Variants in CALN1 observed in about 807,000 individuals in gnomAD.
CALN1 encodes the protein calcium-binding protein 8.
CALN1 carries 17 observed loss-of-function variants against 30.6 expected under a neutral mutation model. That is an observed-to-expected ratio of 0.56 (90% CI 0.38 to 0.83). The LOEUF (loss-of-function observed/expected upper bound fraction) is 0.83, where lower values mean the gene tolerates loss of function less well. Among genes scored for constraint, CALN1 ranks in the 40% least tolerant of loss-of-function variants. CALN1 has a pLI of 0.00. For missense variants in CALN1, 291 were observed against 354.9 expected (o/e 0.82, Z 1.45); for synonymous variants, 156 against 131.4 (o/e 1.19, Z -1.28).
chr7:72,468,484 T>C, the CALN1 span, among the ~76,000 whole-genome samples: 4 of 152,156 alleles, frequency 2.6e-5, no homozygotes, highest in South Asian at 2.1e-4. Context: ...CGGTTAATTT[T>C]TGTATTTTGT....
intron 3 of CALN1, among the ~76,000 whole-genome samples, chr7:72,124,207 A>G (rs2129542409): frequency 6.6e-6 from 1 of 152,294 alleles, no homozygotes; most frequent in East Asian, 1.9e-4. Flanking sequence ...CTGAAGGTAA[A>G]TAGTGTGGTA....
chr7:71,895,475 TCGA>T (rs1271424005), intron 5 of CALN1, among the ~76,000 whole-genome samples: 4 of 152,226 alleles, frequency 2.6e-5, no homozygotes, highest in Non-Finnish European at 5.9e-5. Context: ...TCTCATTCAT[TCGA>T]CAAGAGTGAC....
At chr7:72,097,565 T>C (rs1225416188) in intron 4 of CALN1, among the ~76,000 whole-genome samples, 1 of 150,830 alleles carries the variant, frequency 6.6e-6, no homozygotes, top group Non-Finnish European at 1.5e-5. Context: ...CCCAGCACTT[T>C]GGGAAGCGGA....
intron 5 of CALN1, among the ~76,000 whole-genome samples, chr7:71,907,943 T>C (rs540118266): frequency 6.6e-6 from 1 of 152,384 alleles, no homozygotes; most frequent in African/African-American, 2.4e-5. Flanking sequence ...TGTATGCATA[T>C]GCGTGTGTGC....
intron 1 of CALN1, among the ~76,000 whole-genome samples, chr7:72,427,347 T>C (rs1239517735): frequency 6.6e-6 from 1 of 152,092 alleles, no homozygotes; most frequent in African/African-American, 2.4e-5. Flanking sequence ...ATTTCCCCAA[T>C]TGTTTCATCA....
At chr7:72,419,006 A>G (rs1585708562) in intron 1 of CALN1, among the ~76,000 whole-genome samples, 1 of 151,936 alleles carries the variant, frequency 6.6e-6, no homozygotes, top group South Asian at 2.1e-4. Flanking sequence ...ACAAAGCAAG[A>G]CTCCAAGTAA....
chr7:72,396,649 G>A (rs1415273955), intron 2 of CALN1, among the ~76,000 whole-genome samples: 3 of 152,166 alleles, frequency 2.0e-5, no homozygotes, highest in Non-Finnish European at 4.4e-5. Flanking sequence ...GAGGGGCAAA[G>A]ACAGAGCTGA....
chr7:71,882,024 T>C (rs887872341), intron 5 of CALN1, among the ~76,000 whole-genome samples: 9 of 152,174 alleles, frequency 5.9e-5, no homozygotes, highest in South Asian at 4.1e-4. Context: ...AGTGAGCTGA[T>C]TGTGCTACTG....
intron 3 of CALN1, among the ~76,000 whole-genome samples, chr7:72,179,287 G>C (rs1325148316): frequency 6.6e-6 from 1 of 152,184 alleles, no homozygotes; most frequent in Admixed American, 6.5e-5. Context: ...TTTGCATGAG[G>C]ACTAATATGC....
At chr7:72,331,695 T>A (rs993083769) in intron 2 of CALN1, among the ~76,000 whole-genome samples, 4 of 152,224 alleles carry the variant, frequency 2.6e-5, no homozygotes, top group African/African-American at 7.2e-5. Context: ...CTTGTTTTTT[T>A]TCCAAGTTTT....
Position 71,947,982 on chromosome 7 carries a change from C to T in CALN1, c.501+75675G>A, listed in dbSNP as rs10278631. On this transcript the variant is annotated intron_variant, in intron 5 of 6. Transcript: ENST00000395275. ...TGGACATGCTTTTTTCTTCTCTTTT[C>T]CAGGGAGGCAGGTATGTAGGAAGAT... Among the ~76,000 whole-genome samples the T allele has an allele frequency of 5.0e-3, 749 of 150,066 alleles. 7 individuals are homozygous for T. Among genetic ancestry groups the T allele is most frequent in the African/African-American group, 0.017 (686 of 40,972 alleles).
chr7:71,983,729 G>A (rs1211355493), intron 5 of CALN1, among the ~76,000 whole-genome samples: 1 of 151,810 alleles, frequency 6.6e-6, no homozygotes, highest in Non-Finnish European at 1.5e-5. Flanking sequence ...ACGGGGTTTC[G>A]CCATGTTGGC....
intron 4 of CALN1, among the ~76,000 whole-genome samples, chr7:72,047,804 C>T (rs769337441): frequency 1.3e-5 from 2 of 152,122 alleles, no homozygotes; most frequent in Admixed American, 1.3e-4. Flanking sequence ...GGCATGTGGG[C>T]ACTGCCCTCT....
chr7:72,004,780 C>T (rs1799686934), intron 5 of CALN1, among the ~76,000 whole-genome samples: 1 of 151,822 alleles, frequency 6.6e-6, no homozygotes, highest in Non-Finnish European at 1.5e-5. Flanking sequence ...TATATAAAGA[C>T]TTCTCAAAAC....
chr7:72,245,971 GA>G (rs1486449172), intron 3 of CALN1, among the ~76,000 whole-genome samples: 1 of 152,072 alleles, frequency 6.6e-6, no homozygotes, highest in Non-Finnish European at 1.5e-5. Flanking sequence ...TTTTTGAATT[GA>G]AAAAAGGTCA....
At chr7:71,846,481 C>T (rs1458987099) in intron 5 of CALN1, among the ~76,000 whole-genome samples, 1 of 151,964 alleles carries the variant, frequency 6.6e-6, no homozygotes, top group African/African-American at 2.4e-5. Flanking sequence ...AGTCGGGTTC[C>T]CCAGAGAAAC....
chr7:71,791,927 T>C (rs1019449642), intron 6 of CALN1, among the ~76,000 whole-genome samples: 22 of 151,432 alleles, frequency 1.5e-4, no homozygotes, highest in African/African-American at 5.1e-4. Flanking sequence ...AGGAGAATGG[T>C]GTGAACCCGG....
chr7:71,960,619 A>G (rs939986651), intron 5 of CALN1, among the ~76,000 whole-genome samples: 3 of 152,090 alleles, frequency 2.0e-5, no homozygotes, highest in African/African-American at 7.2e-5. Context: ...GCTATTGTGA[A>G]TAGTGCTGCA....
chr7:72,120,985 G>T (rs1808334409), intron 3 of CALN1, among the ~76,000 whole-genome samples: 1 of 151,646 alleles, frequency 6.6e-6, no homozygotes. Flanking sequence ...GTTTGAGTGG[G>T]GAGAAAGCTA....
Sources: allele counts gnomAD v4.1 joint callset (sites outside exome capture counted in the v4.1 genomes callset), GRCh38; gene constraint gnomAD v4.1.1; transcripts MANE v1.5; gene names NCBI Gene and HGNC (gene_info 2026-07-23, HGNC 2026-07-21).